The following LIMK1 variants were observed in gnomAD, a reference collection of about 807,000 sequenced individuals.
LIMK1 encodes LIM domain kinase 1.
LIMK1 carries 21 observed loss-of-function variants against 77.6 expected under a neutral mutation model. That is an observed-to-expected ratio of 0.27 (90% CI 0.19 to 0.39). The LOEUF (loss-of-function observed/expected upper bound fraction) is 0.39, where lower values mean the gene tolerates loss of function less well. Among genes scored for constraint, LIMK1 ranks in the 10% least tolerant of loss-of-function variants. The pLI is 1.00. For missense variants in LIMK1, 696 were observed against 901.6 expected (o/e 0.77, Z 2.92); for synonymous variants, 358 against 370.0 (o/e 0.97, Z 0.37).
chr7:74,103,946 A>T (rs1163414018), intron 5 of LIMK1, among the ~76,000 whole-genome samples: 1 of 151,806 alleles, frequency 6.6e-6, no homozygotes, highest in Non-Finnish European at 1.5e-5. Context: ...AGGCAGCACC[A>T]CCATGCCTGG....
At chr7:74,118,548 G>A (rs1212474913) in intron 13 of LIMK1, among the ~76,000 whole-genome samples, 5 of 151,898 alleles carry the variant, frequency 3.3e-5, no homozygotes, top group Non-Finnish European at 7.4e-5. Context: ...TCAGGAGTTT[G>A]AGACCAGCCT....
rs1453431626 is a variant in LIMK1 at position 74,107,131 on chromosome 7, C to T, written c.1003C>T (p.Arg335Trp). 8 of 1,613,098 alleles carry T rather than the reference C, an allele frequency of 5.0e-6. No homozygotes were observed. The highest frequency in any genetic ancestry group is 6.8e-6 in the Non-Finnish European group (8 of 1,179,910). Residue 335 changes from arginine to tryptophan, a missense_variant, in exon 8 of 16, where the codon CGG becomes TGG. Transcript: ENST00000336180. ...AGTCTGCCGGCCACACCGCATCTTCCGGCCGTCGGACCTCATCCACGGGGA... is the reference window on the plus strand; with the variant it reads ...AGTCTGCCGGCCACACCGCATCTTCTGGCCGTCGGACCTCATCCACGGGGA... ...RVVCRPHRIF[R>W]PSDLIHGEVL...
intron 2 of LIMK1, 77 bp from the exon 3 acceptor site, chr7:74,096,545 C>G: frequency 6.4e-7 from 1 of 1,567,880 alleles, no homozygotes; most frequent in Non-Finnish European, 8.7e-7. Context: ...TACAAAGGTG[C>G]CTGTAGCCGA....
intron 13 of LIMK1, among the ~76,000 whole-genome samples, chr7:74,117,537 T>C (rs782047992): frequency 6.7e-4 from 102 of 152,200 alleles, no homozygotes; most frequent in Admixed American, 8.5e-4. Context: ...CTGTCAATGG[T>C]CCTATATATG....
chr7:74,102,200 C>A (rs1252727843), intron 5 of LIMK1, among the ~76,000 whole-genome samples: 1 of 152,148 alleles, frequency 6.6e-6, no homozygotes, highest in East Asian at 1.9e-4. Flanking sequence ...TTTTCATCTT[C>A]GCATTTTGCA....
At chr7:74,089,747 G>A (rs1799202021) in intron 2 of LIMK1, among the ~76,000 whole-genome samples, 1 of 152,130 alleles carries the variant, frequency 6.6e-6, no homozygotes, top group Admixed American at 6.6e-5. Context: ...AGCCATGGGA[G>A]CCTGAGTCCA....
chr7:74,095,270 C>G (rs1799316176), intron 2 of LIMK1, among the ~76,000 whole-genome samples: 1 of 152,174 alleles, frequency 6.6e-6, no homozygotes, highest in East Asian at 1.9e-4. Flanking sequence ...ACACATAGCA[C>G]CCAAACAGTG....
chr7:74,087,136 C>T (rs1436392284), intron 2 of LIMK1, among the ~76,000 whole-genome samples: 1 of 152,108 alleles, frequency 6.6e-6, no homozygotes, highest in Non-Finnish European at 1.5e-5. Context: ...GGCGTGGTGG[C>T]TCACACCTAT....
chr7:74,101,168 G>GT (rs1563917084), intron 5 of LIMK1, among the ~76,000 whole-genome samples: 2 of 152,190 alleles, frequency 1.3e-5, no homozygotes, highest in Non-Finnish European at 2.9e-5. Flanking sequence ...GCTTGACTGT[G>GT]TGTCTCCATC....
At chr7:74,094,121 G>C (rs984753426) in intron 2 of LIMK1, 1 of 152,504 alleles carries the variant, frequency 6.6e-6, no homozygotes, top group Admixed American at 6.5e-5. Context: ...AATCACTTAT[G>C]CTCTCTCCTG....
At chr7:74,096,829 T>C in intron 3 of LIMK1, 69 bp downstream of exon 3, 2 of 1,507,840 alleles carry the variant, frequency 1.3e-6, no homozygotes, top group South Asian at 2.6e-5. Context: ...GCTCCAGGTC[T>C]CTCTCCCATC....
rs1359387988 is a variant in LIMK1, at chr7:74,122,270, G to C, written c.*969G>C. 3.9e-5 allele frequency: 6 copies of C among 152,314 alleles called. No individual in the cohort carries two copies. The highest frequency in any genetic ancestry group is 3.3e-4 in the Admixed American group (5 of 15,196). 9.4% of individuals were successfully genotyped at this position (152,314 alleles called of 1,614,324 possible). A position where few individuals can be genotyped will look rare whatever the true frequency, so the allele number is the denominator to read the frequency against. Reference sequence around the variant, plus strand: ...CATACGGCTGCAGCAGCAGCTGCCAGGGGCTTGGGATTTTATTTTTGTGGC... The same window carrying C: ...CATACGGCTGCAGCAGCAGCTGCCACGGGCTTGGGATTTTATTTTTGTGGC... On this transcript the variant is annotated 3_prime_UTR_variant, in exon 16 of 16. Coordinates refer to ENST00000336180, the MANE Select transcript of LIMK1 (RefSeq NM_002314.4).
chr7:74,103,308 C>A (rs1799505379), intron 5 of LIMK1, among the ~76,000 whole-genome samples: 1 of 142,752 alleles, frequency 7.0e-6, no homozygotes, highest in South Asian at 2.2e-4. Context: ...CCAGGCTGGT[C>A]TCAGACTCCT....
chr7:74,105,513 CAAAA>C (rs201143839), intron 5 of LIMK1, among the ~76,000 whole-genome samples: 2 of 93,656 alleles, frequency 2.1e-5, no homozygotes. Context: ...ATTCTGTCTC[CAAAA>C]AAAAAAAAAA....
intron 2 of LIMK1, chr7:74,093,055 C>A: frequency 8.0e-7 from 1 of 1,252,036 alleles, no homozygotes. Flanking sequence ...GTGCTTCAGC[C>A]ACTTCCTGTT....
In LIMK1 at chr7:74,121,090, G is replaced by A. The variant is rs202005570; in HGVS notation, c.1781+41G>A. 6.2e-5 allele frequency: 99 copies of A among 1,598,162 alleles called. 1 individual carries two copies. In the Middle Eastern group the frequency reaches 1.8e-3, roughly 30 times the overall value. ...CCCTGGCCTGGGAGACGGTGGGGCC[G>A]ATTCCCGGGACAGCCAGACCCACCG... On this transcript the variant is annotated intron_variant, in intron 15 of 15. Transcript: ENST00000336180.
intron 5 of LIMK1, 29 bp from the exon 6 acceptor site, chr7:74,105,846 C>T: frequency 6.4e-7 from 1 of 1,553,774 alleles, no homozygotes; most frequent in African/African-American, 1.4e-5. Context: ...GACAGGTGGG[C>T]ACTGGCCTGA....
intron 1 of LIMK1, 107 bp from the exon 2 acceptor site, chr7:74,085,641 C>T (rs1030446043): frequency 2.6e-5 from 22 of 861,858 alleles, no homozygotes; most frequent in Non-Finnish European, 3.9e-5. Context: ...GTGCAGTGTG[C>T]GAGGATTGGT....
intron 2 of LIMK1, among the ~76,000 whole-genome samples, chr7:74,088,371 G>C (rs1799174865): frequency 6.6e-6 from 1 of 152,200 alleles, no homozygotes. Flanking sequence ...GAAACCATCT[G>C]CACAGCGGTG....
Sources: allele counts gnomAD v4.1 joint callset (sites outside exome capture counted in the v4.1 genomes callset), GRCh38; gene constraint gnomAD v4.1.1; transcripts MANE v1.5; gene names NCBI Gene and HGNC (gene_info 2026-07-23, HGNC 2026-07-21).